Variants in COL18A1 observed in about 807,000 individuals in gnomAD.
COL18A1 encodes the protein collagen type XVIII alpha 1 chain, also known as collagen alpha-1(XVIII) chain.
COL18A1 carries 133 observed loss-of-function variants against 168.0 expected under a neutral mutation model. The ratio of observed to expected loss-of-function variants is 0.79; its 90% CI spans 0.69 to 0.91. COL18A1 has a LOEUF of 0.91. COL18A1 is among the 40% of genes least tolerant of loss of function. The pLI, the probability that COL18A1 is intolerant of heterozygous loss-of-function variation, is 0.00. For synonymous variants in COL18A1, 949 were observed against 809.0 expected, an observed-to-expected ratio of 1.17 and a Z score of -2.94; for missense variants, 2,126 against 1,925.4, an observed-to-expected ratio of 1.10 and a Z score of -1.95.
intron 3 of COL18A1, among the ~76,000 whole-genome samples, chr21:45,472,137 T>G (rs919184058): frequency 6.6e-6 from 1 of 151,878 alleles, no homozygotes; most frequent in African/African-American, 2.4e-5. Context: ...GGATCGGGTG[T>G]CAGGAATGCC....
At chr21:45,490,452 C>A in intron 20 of COL18A1, 106 bp downstream of exon 20, 1 of 957,148 alleles carries the variant, frequency 1.0e-6, no homozygotes, top group Non-Finnish European at 1.6e-6. Flanking sequence ...GTCCCTGGGT[C>A]TCCATGTGCC....
In COL18A1 at chr21:45,463,652, C is replaced by A. The variant is rs1237808105; in HGVS notation, c.107-4590C>A. On this transcript the variant is annotated intron_variant, in intron 2 of 41. Transcript: ENST00000651438. The surrounding 1 kb of genome is among the most constrained non-coding windows in gnomAD (Gnocchi z 4.0). ...GTGGCTCACGTCTGTAATCCCAGCACTTTGGGATGCCGAGGCATGCGGATC... is the reference window on the plus strand; with the variant it reads ...GTGGCTCACGTCTGTAATCCCAGCAATTTGGGATGCCGAGGCATGCGGATC... Among the ~76,000 whole-genome samples, 1 of 152,172 alleles carries A rather than the reference C, an allele frequency of 6.6e-6. No individual in the cohort carries two copies. Among genetic ancestry groups the A allele is most frequent in the African/African-American group, 2.4e-5 (1 of 41,442 alleles).
At chr21:45,503,705 G>A (rs1225064838) in intron 32 of COL18A1, among the ~76,000 whole-genome samples, 2 of 151,468 alleles carry the variant, frequency 1.3e-5, no homozygotes, top group East Asian at 1.9e-4. Flanking sequence ...GTTAGTGGGT[G>A]CAGCACACCA....
chr21:45,512,064 G>A (rs912106405), intron 41 of COL18A1, 124 bp from the exon 42 acceptor site: 8 of 1,039,452 alleles, frequency 7.7e-6, no homozygotes, highest in Middle Eastern at 5.3e-4. Context: ...GGTTGTGGGA[G>A]CCTCTGCAGC....
intron 2 of COL18A1, among the ~76,000 whole-genome samples, chr21:45,438,577 G>T (rs1323478592): frequency 2.6e-5 from 4 of 152,258 alleles, no homozygotes. Flanking sequence ...ACTCTGCAGG[G>T]CTGGTGTTCA....
At chr21:45,502,607 A>G (rs1159350919) in intron 32 of COL18A1, 1 of 152,342 alleles carries the variant, frequency 6.6e-6, no homozygotes, top group African/African-American at 2.4e-5. Flanking sequence ...AAGGCGAACA[A>G]CATTCCTGCA....
intron 2 of COL18A1, among the ~76,000 whole-genome samples, chr21:45,446,326 C>T (rs1048750374): frequency 6.6e-6 from 1 of 152,224 alleles, no homozygotes; most frequent in Non-Finnish European, 1.5e-5. Flanking sequence ...CTGTTACCAT[C>T]GCATTGTAAG....
rs1034274538 is a variant in COL18A1, at chr21:45,443,540, T to C, written c.107-24702T>C. The stretch of plus-strand genomic sequence containing the variant: ...TCGGCCAAGGGCTCCCTCCTTGCAC[T>C]GTGGTCTCTCGGGACCTAGGAGGTC... On this transcript the variant is annotated intron_variant, in intron 2 of 41. Coordinates refer to ENST00000651438, the MANE Select transcript of COL18A1 (RefSeq NM_001379500.1). This position sits in a 1 kb window ranked among gnomAD's most constrained non-coding sequence, Gnocchi z 5.2. Among the ~76,000 whole-genome samples the C allele has an allele frequency of 1.3e-5, 2 of 152,100 alleles. No individual in the cohort carries two copies. The highest frequency in any genetic ancestry group is 4.8e-5 in the African/African-American group (2 of 41,422).
chr21:45,481,879 C>T (rs1239192487), intron 13 of COL18A1, 84 bp from the exon 14 acceptor site: 22 of 970,330 alleles, frequency 2.3e-5, no homozygotes, highest in Middle Eastern at 2.1e-4. Flanking sequence ...TGGAAACCTG[C>T]GGAAGCCCAG....
chr21:45,455,613 T>C, intron 2 of COL18A1: 1 of 1,613,954 alleles, frequency 6.2e-7, no homozygotes, highest in Non-Finnish European at 8.5e-7. Flanking sequence ...CTGCTGAACC[T>C]GAACTGGCTT....
chr21:45,486,629 C>T (rs933832849), intron 15 of COL18A1, among the ~76,000 whole-genome samples: 9 of 152,242 alleles, frequency 5.9e-5, no homozygotes, highest in Non-Finnish European at 8.8e-5. Context: ...GGCCCAACCC[C>T]GACCAAGTTC....
rs545800368 is a variant in COL18A1 at position 45,496,444 on chromosome 21, C to G, written c.2509-56C>G. 135 of 821,592 alleles carry G rather than the reference C, an allele frequency of 1.6e-4. No homozygotes were observed. The Admixed American group carries it at 2.3e-3, about 14-fold the overall frequency. The allele number at this position is 821,592 out of a possible 1,614,324, so 50.9% of individuals were successfully genotyped here. The stretch of plus-strand genomic sequence containing the variant: ...GATTTTTCTGAACTGTCTCTGCTCC[C>G]AGCTGCTGCCTGACAGGCAGGCCAT... On this transcript the variant is annotated intron_variant, in intron 29 of 41. Coordinates refer to ENST00000651438, the MANE Select transcript of COL18A1 (RefSeq NM_001379500.1).
intron 3 of COL18A1, among the ~76,000 whole-genome samples, chr21:45,469,529 G>A (rs1463919065): frequency 1.3e-5 from 2 of 152,216 alleles, no homozygotes; most frequent in Non-Finnish European, 2.9e-5. Flanking sequence ...CTGAGTCTCC[G>A]GGAAGTCCCT....
rs1456376289 is a variant in COL18A1, at chr21:45,501,973, CCCTCTG to C, written c.2684-2036_2684-2031del. Reference sequence around the variant, plus strand: ...CAGGGGCCTCCGCAGCCGGTCACCTCCCTCTGCAGAAGGACCCTCAGGGGCTCCACA... The same window carrying C: ...CAGGGGCCTCCGCAGCCGGTCACCTCCAGAAGGACCCTCAGGGGCTCCACA... On this transcript the variant is annotated intron_variant, in intron 32 of 41. Coordinates refer to ENST00000651438, the MANE Select transcript of COL18A1 (RefSeq NM_001379500.1). Among the ~76,000 whole-genome samples, 161 of 85,486 alleles carry C rather than the reference CCCTCTG, an allele frequency of 1.9e-3. 28 individuals are homozygous for C. Among genetic ancestry groups the C allele is most frequent in the African/African-American group, 7.8e-3 (158 of 20,136 alleles). 56.1% of individuals were successfully genotyped at this position (85,486 alleles called of 152,430 possible).
chr21:45,453,321 CAT>C (rs369954724), intron 2 of COL18A1, among the ~76,000 whole-genome samples: 2,172 of 152,304 alleles, frequency 0.014, 45 homozygotes, highest in African/African-American at 0.043. Flanking sequence ...TCACATGTGA[CAT>C]ATATGGCATA....
In COL18A1 at chr21:45,496,902, C is replaced by T. The variant is rs1041650948; in HGVS notation, c.2578-148C>T. On this transcript the variant is annotated intron_variant, in intron 30 of 41. Transcript: ENST00000651438. ...CAGGCCGTGGCTCCTGCTCTCCGTACCCCTGTTCCCTCCCGTCTCTGACTG... is the reference window on the plus strand; with the variant it reads ...CAGGCCGTGGCTCCTGCTCTCCGTATCCCTGTTCCCTCCCGTCTCTGACTG... The T allele has an allele frequency of 4.2e-6, 3 of 707,078 alleles. No individual in the cohort carries two copies. The African/African-American group carries it at 5.2e-5, about 12-fold the overall frequency. 43.8% of individuals were successfully genotyped at this position (707,078 alleles called of 1,614,324 possible). A position where few individuals can be genotyped will look rare whatever the true frequency, so the allele number is the denominator to read the frequency against.
Position 45,452,529 on chromosome 21 carries a change from CAT to C in COL18A1, c.107-15710_107-15709del, listed in dbSNP as rs531044078. 3.0e-4 allele frequency among the ~76,000 whole-genome samples: 46 copies of C among 151,492 alleles called. No individual in the cohort carries two copies. The South Asian group carries it at 8.8e-3, about 29-fold the overall frequency. On this transcript the variant is annotated intron_variant, in intron 2 of 41. Transcript: ENST00000651438. ...CACGTGACGTGTGAGCATGCATGTACATATGTGATTGTGTATGCATGTGAGCA... is the reference window on the plus strand; with the variant it reads ...CACGTGACGTGTGAGCATGCATGTACATGTGATTGTGTATGCATGTGAGCA...
At chr21:45,459,164 C>T (rs1439905793) in intron 2 of COL18A1, among the ~76,000 whole-genome samples, 1 of 152,166 alleles carries the variant, frequency 6.6e-6, no homozygotes, top group African/African-American at 2.4e-5. Flanking sequence ...GTGGCCTGGC[C>T]GGGAGGGTCC....
intron 37 of COL18A1, 146 bp from the exon 38 acceptor site, chr21:45,507,415 G>C: frequency 1.2e-6 from 1 of 841,960 alleles, no homozygotes. Context: ...CACAGGCTTG[G>C]AGGGGCAGGT....
Sources: allele counts gnomAD v4.1 joint callset (sites outside exome capture counted in the v4.1 genomes callset), GRCh38; gene constraint gnomAD v4.1.1; non-coding constraint Gnocchi (gnomAD v3.1); transcripts MANE v1.5; gene names NCBI Gene and HGNC (gene_info 2026-07-23, HGNC 2026-07-21).